The following TRAK1 variants were observed in gnomAD, a reference collection of about 807,000 sequenced individuals.
The protein encoded by TRAK1 is trafficking kinesin-binding protein 1.
In TRAK1, 33 loss-of-function variants were observed where a neutral mutation model predicts 92.1. That is an observed-to-expected ratio of 0.36 (90% CI 0.27 to 0.48). The LOEUF is 0.48. Ranked by LOEUF, TRAK1 falls within the 20% of genes least tolerant of loss-of-function variation. The pLI is 0.99. For synonymous variants in TRAK1, 521 were observed against 517.3 expected, an observed-to-expected ratio of 1.01 and a Z score of -0.10; for missense variants, 1,123 against 1,257.9, an observed-to-expected ratio of 0.89 and a Z score of 1.62.
At chr3:42,056,001 G>T (rs1703191143) in intron 1 of TRAK1, among the ~76,000 whole-genome samples, 1 of 152,094 alleles carries the variant, frequency 6.6e-6, no homozygotes, top group Non-Finnish European at 1.5e-5. Flanking sequence ...TGTTGTAGTA[G>T]GTATCAGTAC....
intron 1 of TRAK1, among the ~76,000 whole-genome samples, chr3:42,047,909 C>A (rs1702820255): frequency 6.8e-6 from 1 of 146,740 alleles, no homozygotes; most frequent in Non-Finnish European, 1.5e-5. Context: ...CACTCCCCCC[C>A]ATAGTTTCTT....
intron 1 of TRAK1, among the ~76,000 whole-genome samples, chr3:42,017,035 G>T (rs1701552977): frequency 6.6e-6 from 1 of 152,134 alleles, no homozygotes; most frequent in Non-Finnish European, 1.5e-5. Context: ...CAAGGCAGGT[G>T]GATTGCCTGA....
intron 1 of TRAK1, among the ~76,000 whole-genome samples, chr3:42,073,462 G>A (rs907525831): frequency 6.6e-6 from 1 of 152,172 alleles, no homozygotes; most frequent in African/African-American, 2.4e-5. Context: ...GATAAACTTT[G>A]ATTAAGTCAC....
At chr3:42,201,098 A>C in intron 12 of TRAK1, 44 bp downstream of exon 12, 1 of 1,588,738 alleles carries the variant, frequency 6.3e-7, no homozygotes, top group Non-Finnish European at 8.6e-7. Flanking sequence ...TGGGGTGAGG[A>C]GTGGTAGTAT....
chr3:42,061,340 C>G (rs1184973356), intron 1 of TRAK1, among the ~76,000 whole-genome samples: 1 of 132,010 alleles, frequency 7.6e-6, no homozygotes. Context: ...ATGCACACCC[C>G]ACCCCCCCAC....
chr3:42,134,342 A>G (rs1051887533), intron 2 of TRAK1, among the ~76,000 whole-genome samples: 18 of 149,312 alleles, frequency 1.2e-4, no homozygotes, highest in African/African-American at 4.2e-4. Flanking sequence ...AGTGGTGGCA[A>G]TCACAGCTCA....
chr3:42,023,636 A>T (rs553774129), intron 1 of TRAK1, among the ~76,000 whole-genome samples: 1 of 151,846 alleles, frequency 6.6e-6, no homozygotes, highest in African/African-American at 2.4e-5. Flanking sequence ...GGCGGAGTGA[A>T]GGATAAGGCT....
intron 14 of TRAK1, chr3:42,212,214 C>G: frequency 1.0e-6 from 1 of 985,424 alleles, no homozygotes. Flanking sequence ...CATGGGGCAT[C>G]CTCTGTCTTG....
chr3:42,026,606 C>T (rs1011429008), intron 1 of TRAK1, among the ~76,000 whole-genome samples: 2 of 151,078 alleles, frequency 1.3e-5, no homozygotes, highest in Non-Finnish European at 2.9e-5. Flanking sequence ...CTCACTGCAA[C>T]CTCTGCCTCC....
At chr3:42,156,666 A>G (rs186759962) in intron 2 of TRAK1, among the ~76,000 whole-genome samples, 1 of 152,348 alleles carries the variant, frequency 6.6e-6, no homozygotes, top group East Asian at 1.9e-4. Flanking sequence ...TTAGAAATTC[A>G]CCACTTTCCC....
intron 14 of TRAK1, 30 bp downstream of exon 14, chr3:42,210,015 T>C: frequency 6.2e-7 from 1 of 1,613,936 alleles, no homozygotes. Flanking sequence ...TGTGACTGTC[T>C]CAGGCAGCAG....
At chr3:42,092,510 G>A (rs1222308210) in intron 1 of TRAK1, among the ~76,000 whole-genome samples, 1 of 152,150 alleles carries the variant, frequency 6.6e-6, no homozygotes, top group Non-Finnish European at 1.5e-5. Flanking sequence ...TTAATTCCTG[G>A]GGTCAGAGAG....
At chr3:42,143,129 G>C (rs1698882233) in intron 2 of TRAK1, among the ~76,000 whole-genome samples, 2 of 152,168 alleles carry the variant, frequency 1.3e-5, no homozygotes, top group African/African-American at 2.4e-5. Context: ...TTGTGTGACA[G>C]AGCTGGAAAG....
At chr3:42,196,994 TCTCTCTCTCACACA>T (rs1559915634) in intron 10 of TRAK1, among the ~76,000 whole-genome samples, 6 of 91,868 alleles carry the variant, frequency 6.5e-5, no homozygotes, top group African/African-American at 2.6e-4. Context: ...TCTCTCTCTC[TCTCTCTCTCACACA>T]CACACACACA....
At chr3:42,033,486 G>T (rs1702223766) in intron 1 of TRAK1, among the ~76,000 whole-genome samples, 2 of 152,148 alleles carry the variant, frequency 1.3e-5, no homozygotes, top group Admixed American at 6.5e-5. Context: ...CTATTGAGGG[G>T]CTGAGGCAGG....
chr3:42,211,629 G>T, intron 14 of TRAK1: 1 of 985,398 alleles, frequency 1.0e-6, no homozygotes, highest in Non-Finnish European at 1.2e-6. Context: ...GTGAGTTCTG[G>T]AAGTGCAAAG....
At chr3:42,194,353 C>T (rs1339327694) in intron 9 of TRAK1, among the ~76,000 whole-genome samples, 1 of 152,010 alleles carries the variant, frequency 6.6e-6, no homozygotes, top group Non-Finnish European at 1.5e-5. Context: ...TCAGGTGATC[C>T]TCCTGAGTAT....
intron 2 of TRAK1, among the ~76,000 whole-genome samples, chr3:42,155,261 G>A (rs935406187): frequency 6.6e-6 from 1 of 152,106 alleles, no homozygotes; most frequent in African/African-American, 2.4e-5. Flanking sequence ...CTCAAGACAT[G>A]TTTAATAAGG....
rs888341822 is a variant in TRAK1 at position 42,223,852 on chromosome 3, C to A, written c.*115C>A. On this transcript the variant is annotated 3_prime_UTR_variant, in exon 16 of 16. Transcript: ENST00000327628. The surrounding 1 kb of genome is among the most constrained non-coding windows in gnomAD (Gnocchi z 6.1). ...TCCCTCTGCCCTTCTCTGTCCACCC[C>A]CTCCTAAGCTAGACAAATCAACCTC... The A allele has an allele frequency of 1.6e-6, 2 of 1,220,134 alleles. No homozygotes were observed. The highest frequency in any genetic ancestry group is 2.3e-6 in the Non-Finnish European group (2 of 872,768). The allele number at this position is 1,220,134 out of a possible 1,614,324, so 75.6% of individuals were successfully genotyped here. A position where few individuals can be genotyped will look rare whatever the true frequency, so the allele number is the denominator to read the frequency against.
Sources: allele counts gnomAD v4.1 joint callset (sites outside exome capture counted in the v4.1 genomes callset), GRCh38; gene constraint gnomAD v4.1.1; non-coding constraint Gnocchi (gnomAD v3.1); transcripts MANE v1.5; gene names NCBI Gene and HGNC (gene_info 2026-07-23, HGNC 2026-07-21).